Variants in ANKRD6 observed in about 807,000 individuals in gnomAD.
ANKRD6 encodes the protein ankyrin repeat domain 6, also known as ankyrin repeat domain-containing protein 6.
A neutral mutation model predicts 82.3 loss-of-function variants in ANKRD6; 56 were observed. The observed-to-expected ratio is 0.68, with a 90% CI of 0.55 to 0.85. The LOEUF (loss-of-function observed/expected upper bound fraction) is 0.85, where lower values mean the gene tolerates loss of function less well. ANKRD6 is among the 40% of genes least tolerant of loss of function. The pLI is 0.00. For missense variants in ANKRD6, 852 were observed against 907.6 expected (o/e 0.94, Z 0.79); for synonymous variants, 347 against 352.1 (o/e 0.99, Z 0.16).
chr6:89,486,599 C>A (rs944858749), intron 1 of ANKRD6, among the ~76,000 whole-genome samples: 5 of 152,076 alleles, frequency 3.3e-5, no homozygotes, highest in African/African-American at 9.7e-5. Context: ...AGGGTGTCAG[C>A]ATGGATTAGT....
At chr6:89,492,658 G>A (rs4706341) in intron 1 of ANKRD6, among the ~76,000 whole-genome samples, 30,165 of 152,144 alleles carry the variant, frequency 0.2, 3,476 homozygotes, top group Non-Finnish European at 0.26. Flanking sequence ...ATCAATTAAT[G>A]TATACTCATT....
In ANKRD6 at chr6:89,613,073, CAG is replaced by C. The variant is rs561872690; in HGVS notation, c.516+706_516+707del. ...TGCCAAGTGGCCAGTGTTCTCCAGA[CAG>C]AGCTAGGATGGAAATGGCAAGAAAA... is the stretch of plus-strand genomic sequence containing the variant. On this transcript the variant is annotated intron_variant, in intron 6 of 15. Coordinates refer to ENST00000339746, the MANE Select transcript of ANKRD6 (RefSeq NM_001242809.2). Among the ~76,000 whole-genome samples, 890 of 152,316 alleles carry C rather than the reference CAG, an allele frequency of 5.8e-3. 5 individuals are homozygous for C. The highest frequency in any genetic ancestry group is 7.8e-3 in the Admixed American group (120 of 15,306).
At chr6:89,585,626 C>T (rs529512006) in intron 2 of ANKRD6, among the ~76,000 whole-genome samples, 3 of 152,284 alleles carry the variant, frequency 2.0e-5, no homozygotes, top group South Asian at 2.1e-4. Context: ...GTACTAGGGC[C>T]GGCCAGATGT....
intron 1 of ANKRD6, among the ~76,000 whole-genome samples, chr6:89,560,059 A>G (rs541852217): frequency 6.6e-6 from 1 of 152,214 alleles, no homozygotes; most frequent in Non-Finnish European, 1.5e-5. Context: ...GGGATACAAG[A>G]TGACCAAAAC....
At chr6:89,609,231 C>A (rs1230261845) in intron 5 of ANKRD6, among the ~76,000 whole-genome samples, 1 of 152,194 alleles carries the variant, frequency 6.6e-6, no homozygotes, top group Non-Finnish European at 1.5e-5. Context: ...GCTCACAGCT[C>A]AGGAGGTGGG....
intron 4 of ANKRD6, among the ~76,000 whole-genome samples, chr6:89,604,491 C>T (rs1360504073): frequency 1.3e-5 from 2 of 150,280 alleles, no homozygotes; most frequent in Non-Finnish European, 2.9e-5. Context: ...TTTAAAGAGG[C>T]TATGCTGGGA....
At chr6:89,600,670 A>G (rs1384045793) in intron 3 of ANKRD6, among the ~76,000 whole-genome samples, 2 of 152,122 alleles carry the variant, frequency 1.3e-5, no homozygotes, top group Admixed American at 6.6e-5. Context: ...CTGGAGGCCT[A>G]TTTTGGGAAA....
At chr6:89,456,220 C>T (rs950725326) in intron 1 of ANKRD6, among the ~76,000 whole-genome samples, 1 of 152,140 alleles carries the variant, frequency 6.6e-6, no homozygotes, top group South Asian at 2.1e-4. Context: ...GACCCAGTCA[C>T]CTCCCAGCAG....
At chr6:89,562,822 A>G (rs796469815) in intron 1 of ANKRD6, 8 of 152,360 alleles carry the variant, frequency 5.3e-5, no homozygotes, top group African/African-American at 1.9e-4. Flanking sequence ...GAAGCTAATG[A>G]TCTCTCCAGG....
chr6:89,567,405 G>A (rs1275306554), intron 2 of ANKRD6, among the ~76,000 whole-genome samples: 3 of 152,162 alleles, frequency 2.0e-5, no homozygotes, highest in African/African-American at 7.2e-5. Flanking sequence ...CAGAGTGTGC[G>A]ATAATCACGT....
chr6:89,463,329 A>T (rs1394339517), intron 1 of ANKRD6, among the ~76,000 whole-genome samples: 5 of 152,142 alleles, frequency 3.3e-5, no homozygotes, highest in Admixed American at 2.0e-4. Flanking sequence ...CCATAATTTT[A>T]CTGGTTTCCT....
At chr6:89,610,533 C>G (rs1799957972) in intron 5 of ANKRD6, among the ~76,000 whole-genome samples, 1 of 152,148 alleles carries the variant, frequency 6.6e-6, no homozygotes, top group African/African-American at 2.4e-5. Context: ...TGCTTTTCCA[C>G]ATCATCGATA....
At chr6:89,483,917 T>C (rs1204553624) in intron 1 of ANKRD6, among the ~76,000 whole-genome samples, 1 of 152,200 alleles carries the variant, frequency 6.6e-6, no homozygotes, top group East Asian at 1.9e-4. Flanking sequence ...TCTCTCTCTC[T>C]CTCTCTAACC....
At chr6:89,620,359 CT>C (rs1443337575) in intron 9 of ANKRD6, among the ~76,000 whole-genome samples, 16 of 152,170 alleles carry the variant, frequency 1.1e-4, no homozygotes, top group Non-Finnish European at 1.5e-5. Context: ...CTGAGTGTCA[CT>C]TGTCATTTTG....
chr6:89,472,051 T>C (rs1344885272), intron 1 of ANKRD6, among the ~76,000 whole-genome samples: 1 of 151,688 alleles, frequency 6.6e-6, no homozygotes, highest in African/African-American at 2.4e-5. Flanking sequence ...TCCTCCTAGC[T>C]TCTGGTGGTT....
chr6:89,502,527 G>A (rs577111748), intron 1 of ANKRD6, among the ~76,000 whole-genome samples: 2,940 of 151,802 alleles, frequency 0.019, 99 homozygotes, highest in African/African-American at 0.063. Flanking sequence ...AAAAAAAAAA[G>A]GATAAAGGGA....
At chr6:89,475,404 C>T (rs1311077894) in intron 1 of ANKRD6, among the ~76,000 whole-genome samples, 1 of 152,098 alleles carries the variant, frequency 6.6e-6, no homozygotes, top group African/African-American at 2.4e-5. Flanking sequence ...AGGAGGTAAA[C>T]AGAAAACAAT....
In ANKRD6 at chr6:89,633,590, A is replaced by C. The variant is rs1257384854; in HGVS notation, c.*2586A>C. The C allele has an allele frequency of 6.6e-6, 1 of 152,222 alleles. No homozygotes were observed. Among genetic ancestry groups the C allele is most frequent in the Non-Finnish European group, 1.5e-5 (1 of 68,040 alleles). 9.4% of individuals were successfully genotyped at this position (152,222 alleles called of 1,614,324 possible). ...GTTTTTTTAAAGAAATTGTTAGTGC[A>C]TTATTGAGTATACTAAATATCTGTG... is the stretch of plus-strand genomic sequence containing the variant. On this transcript the variant is annotated 3_prime_UTR_variant, in exon 16 of 16. Coordinates refer to ENST00000339746, the MANE Select transcript of ANKRD6 (RefSeq NM_001242809.2).
intron 1 of ANKRD6, among the ~76,000 whole-genome samples, chr6:89,523,501 G>A (rs1406609135): frequency 6.6e-6 from 1 of 152,130 alleles, no homozygotes; most frequent in Non-Finnish European, 1.5e-5. Flanking sequence ...GCTAGAAGAG[G>A]GCAGTTCTTT....
Sources: gnomAD v4.1 joint callset for allele counts (sites outside exome capture counted in the v4.1 genomes callset) on GRCh38, gnomAD v4.1.1 for gene constraint, MANE v1.5 for transcripts, NCBI Gene and HGNC (gene_info 2026-07-23, HGNC 2026-07-21) for gene names.